The following ASXL2 variants were observed in gnomAD, a reference collection of about 807,000 sequenced individuals.
ASXL2 encodes the protein putative Polycomb group protein ASXL2.
ASXL2 carries 23 observed loss-of-function variants against 122.0 expected under a neutral mutation model. The observed-to-expected ratio is 0.19, with a 90% confidence interval of 0.14 to 0.27. The LOEUF is 0.27. ASXL2 is among the 10% of genes least tolerant of loss of function. The pLI, the probability that ASXL2 is intolerant of heterozygous loss-of-function variation, is 1.00. For missense variants in ASXL2, 1,518 were observed against 1,713.8 expected (o/e 0.89, Z 2.02); for synonymous variants, 650 against 637.0 (o/e 1.02, Z -0.31).
chr2:25,747,151 G>A (rs2087956039), intron 12 of ASXL2, among the ~76,000 whole-genome samples: 1 of 152,126 alleles, frequency 6.6e-6, no homozygotes, highest in African/African-American at 2.4e-5. Context: ...ATAGGTGGTT[G>A]GTTGAAAATA....
At chr2:25,755,841 C>G (rs1215474535) in intron 10 of ASXL2, among the ~76,000 whole-genome samples, 177 bp downstream of exon 10, 1 of 152,196 alleles carries the variant, frequency 6.6e-6, no homozygotes, top group East Asian at 1.9e-4. Context: ...GTGGTGTTAA[C>G]CTGGTAACAT....
At chr2:25,821,055 C>T (rs931455126) in intron 3 of ASXL2, among the ~76,000 whole-genome samples, 4 of 151,986 alleles carry the variant, frequency 2.6e-5, no homozygotes, top group African/African-American at 9.7e-5. Context: ...GGCACATGCC[C>T]ATAATCCCAG....
chr2:25,852,875 T>A (rs527241915), intron 1 of ASXL2, among the ~76,000 whole-genome samples: 58 of 152,308 alleles, frequency 3.8e-4, no homozygotes, highest in African/African-American at 1.4e-3. Context: ...GCTTTGTAAA[T>A]TCGGATTCCA....
chr2:25,786,796 AGTGAG>A (rs2088755840), intron 5 of ASXL2, among the ~76,000 whole-genome samples: 4 of 151,926 alleles, frequency 2.6e-5, no homozygotes, highest in African/African-American at 9.7e-5. Context: ...TGGAGGTTGC[AGTGAG>A]CCGAGATCAC....
intron 1 of ASXL2, among the ~76,000 whole-genome samples, chr2:25,860,105 T>G (rs2089826132): frequency 6.6e-6 from 1 of 151,448 alleles, no homozygotes; most frequent in African/African-American, 2.4e-5. Flanking sequence ...CCGGATCACC[T>G]GACGTCGGGA....
intron 5 of ASXL2, among the ~76,000 whole-genome samples, chr2:25,782,149 C>A (rs1217492236): frequency 1.3e-5 from 2 of 151,906 alleles, no homozygotes; most frequent in Non-Finnish European, 2.9e-5. Flanking sequence ...TTGTCAGACG[C>A]AAAATCGTAT....
At chr2:25,819,763 G>C (rs1259942377) in intron 3 of ASXL2, among the ~76,000 whole-genome samples, 1 of 152,206 alleles carries the variant, frequency 6.6e-6, no homozygotes, top group Non-Finnish European at 1.5e-5. Flanking sequence ...TAGGACATCA[G>C]TGGGAGAATT....
intron 5 of ASXL2, among the ~76,000 whole-genome samples, chr2:25,780,916 T>C (rs1229725352): frequency 1.3e-5 from 2 of 151,706 alleles, no homozygotes; most frequent in Non-Finnish European, 2.9e-5. Context: ...TGAAACCCCG[T>C]CTCTACTAAA....
rs1281781285 is a variant in ASXL2 at position 25,744,238 on chromosome 2, C to T, written c.2099G>A (p.Gly700Asp). Reference protein sequence around the residue: ...IPGPGPGGGQGPGEGGEGQTA... With the variant: ...IPGPGPGGGQDPGEGGEGQTA... ...CTGCCCTTCACCACCCTCTCCTGGA[C>T]CTTGTCCACCCCCTGGGCCAGGTCC... The change falls in exon 13 of 13, where the codon GGT becomes GAT. Residue 700 changes from glycine to aspartate, a missense_variant. This residue lies in a region of ASXL2 where 48 missense variants were observed against 82.1 expected (regional missense o/e 0.58). Coordinates refer to ENST00000435504, the MANE Select transcript of ASXL2 (RefSeq NM_018263.6). The surrounding 1 kb of genome is among the most constrained non-coding windows in gnomAD (Gnocchi z 4.7). 6.2e-7 allele frequency: 1 copy of T among 1,614,018 alleles called. No homozygotes were observed. The highest frequency in any genetic ancestry group is 2.2e-5 in the East Asian group (1 of 44,886).
intron 8 of ASXL2, among the ~76,000 whole-genome samples, chr2:25,760,722 C>A (rs1574401460): frequency 6.6e-6 from 1 of 152,182 alleles, no homozygotes; most frequent in African/African-American, 2.4e-5. Context: ...AAATTAAAAT[C>A]TGGCATTACT....
intron 1 of ASXL2, among the ~76,000 whole-genome samples, chr2:25,852,007 A>C (rs562199070): frequency 1.3e-5 from 2 of 151,830 alleles, no homozygotes; most frequent in East Asian, 3.9e-4. Flanking sequence ...TTGGCCACAT[A>C]TATTACTGAG....
intron 4 of ASXL2, among the ~76,000 whole-genome samples, chr2:25,800,166 G>A (rs1019928104): frequency 6.6e-6 from 1 of 152,000 alleles, no homozygotes; most frequent in Admixed American, 6.6e-5. Context: ...GTATAGTGGT[G>A]TGCACCTGTG....
At chr2:25,809,085 C>A (rs1243042388) in intron 3 of ASXL2, among the ~76,000 whole-genome samples, 2 of 152,136 alleles carry the variant, frequency 1.3e-5, no homozygotes, top group Non-Finnish European at 2.9e-5. Context: ...TTAGAGAGAG[C>A]AGCTTCAAAC....
rs79843483 is a variant in ASXL2 at position 25,874,727 on chromosome 2, C to T, written c.57+3439G>A. Among the ~76,000 whole-genome samples, 438 of 152,284 alleles carry T rather than the reference C, an allele frequency of 2.9e-3. 2 individuals carry two copies. Among genetic ancestry groups the T allele is most frequent in the Non-Finnish European group, 5.0e-3 (337 of 68,038 alleles). On this transcript the variant is annotated intron_variant, in intron 1 of 12. Coordinates refer to ENST00000435504, the MANE Select transcript of ASXL2 (RefSeq NM_018263.6). Reference sequence around the variant, plus strand: ...TTTCAAATTTAAATTGTACTAAACACTACACTATTTGTCTCTCGCTCAAAT... The same window carrying T: ...TTTCAAATTTAAATTGTACTAAACATTACACTATTTGTCTCTCGCTCAAAT...
intron 1 of ASXL2, among the ~76,000 whole-genome samples, chr2:25,853,693 T>C (rs2089744628): frequency 6.6e-6 from 1 of 152,008 alleles, no homozygotes; most frequent in Admixed American, 6.6e-5. Context: ...TGCAGTTTTA[T>C]AGCTGGAGTA....
intron 1 of ASXL2, among the ~76,000 whole-genome samples, chr2:25,856,101 G>A (rs2089773766): frequency 6.6e-6 from 1 of 151,492 alleles, no homozygotes; most frequent in African/African-American, 2.4e-5. Context: ...TTTGTCGCCA[G>A]GCTGGAGTGC....
intron 3 of ASXL2, among the ~76,000 whole-genome samples, chr2:25,832,005 G>C (rs143170270): frequency 6.6e-6 from 1 of 152,126 alleles, no homozygotes; most frequent in Non-Finnish European, 1.5e-5. Context: ...AACAGCTTCA[G>C]ACTAAGTAAA....
At chr2:25,775,616 C>T (rs2088534480) in intron 5 of ASXL2, among the ~76,000 whole-genome samples, 1 of 152,152 alleles carries the variant, frequency 6.6e-6, no homozygotes, top group Admixed American at 6.6e-5. Context: ...CTTCTCTCTC[C>T]TGCCACCATG....
chr2:25,867,003 C>T lies in ASXL2; in HGVS notation c.57+11163G>A, dbSNP rs533875276. Reference sequence around the variant, plus strand: ...ACAACCTCCGCCTCCCAGGTTCAAGCGATTCTCCTGCCTCAGCCTCCCAAG... The same window carrying T: ...ACAACCTCCGCCTCCCAGGTTCAAGTGATTCTCCTGCCTCAGCCTCCCAAG... On this transcript the variant is annotated intron_variant, in intron 1 of 12. Coordinates refer to ENST00000435504, the MANE Select transcript of ASXL2 (RefSeq NM_018263.6). 9.0e-4 allele frequency among the ~76,000 whole-genome samples: 137 copies of T among 152,010 alleles called. 1 individual carries two copies. Among genetic ancestry groups the T allele is most frequent in the African/African-American group, 3.1e-3 (127 of 41,474 alleles).
Sources: allele counts gnomAD v4.1 joint callset (sites outside exome capture counted in the v4.1 genomes callset), GRCh38; gene constraint gnomAD v4.1.1; regional missense constraint gnomAD v4.1.1; non-coding constraint Gnocchi (gnomAD v3.1); transcripts MANE v1.5; gene names NCBI Gene and HGNC (gene_info 2026-07-23, HGNC 2026-07-21).